Variants in MYO16 observed in about 807,000 individuals in gnomAD.
MYO16 encodes myosin XVI, also known as unconventional myosin-XVI.
A neutral mutation model predicts 205.3 loss-of-function variants in MYO16; 94 were observed. The observed-to-expected ratio is 0.46, with a 90% CI of 0.39 to 0.54. The LOEUF (loss-of-function observed/expected upper bound fraction) is 0.54. MYO16 is among the 20% of genes least tolerant of loss of function. The pLI is 0.00. For missense variants in MYO16, 2,315 were observed against 2,387.5 expected (o/e 0.97, Z 0.63); for synonymous variants, 988 against 954.0 (o/e 1.04, Z -0.66).
intron 16 of MYO16, among the ~76,000 whole-genome samples, chr13:108,927,447 T>C (rs149435597): frequency 2.2e-4 from 33 of 152,192 alleles, no homozygotes; most frequent in African/African-American, 7.9e-4. Context: ...CATCCTTGAT[T>C]CTCACATGCC....
intron 2 of MYO16, among the ~76,000 whole-genome samples, chr13:108,690,929 T>A (rs1174960339): frequency 6.6e-6 from 1 of 152,216 alleles, no homozygotes; most frequent in Non-Finnish European, 1.5e-5. Context: ...CTCAGATTGC[T>A]AAGGATCATA....
chr13:108,887,576 T>A (rs1879963027), intron 13 of MYO16, among the ~76,000 whole-genome samples: 1 of 152,136 alleles, frequency 6.6e-6, no homozygotes, highest in Non-Finnish European at 1.5e-5. Flanking sequence ...TTTTTAAAAA[T>A]TGGGTGAGTT....
the MYO16 span, among the ~76,000 whole-genome samples, chr13:108,528,762 CT>C: frequency 6.9e-6 from 1 of 144,026 alleles, no homozygotes. Flanking sequence ...TTTGCCTCCC[CT>C]CTCCCCTCCT....
At chr13:108,679,654 A>G (rs1882374780) in intron 2 of MYO16, among the ~76,000 whole-genome samples, 1 of 151,434 alleles carries the variant, frequency 6.6e-6, no homozygotes, top group Non-Finnish European at 1.5e-5. Context: ...GTCCTCCCTT[A>G]GATCCATTCT....
chr13:108,820,577 C>T (rs576304728), intron 8 of MYO16, among the ~76,000 whole-genome samples, 165 bp downstream of exon 8: 12 of 152,156 alleles, frequency 7.9e-5, no homozygotes, highest in South Asian at 6.2e-4. Flanking sequence ...CGCCTATGTA[C>T]GATGATATAG....
chr13:109,088,298 G>A (rs1027115058), intron 27 of MYO16, among the ~76,000 whole-genome samples: 1 of 152,192 alleles, frequency 6.6e-6, no homozygotes, highest in African/African-American at 2.4e-5. Context: ...GTGTGGGAAA[G>A]GCTGCTCAGG....
At chr13:108,846,477 T>C (rs1202458382) in intron 10 of MYO16, among the ~76,000 whole-genome samples, 1 of 149,632 alleles carries the variant, frequency 6.7e-6, no homozygotes, top group Non-Finnish European at 1.5e-5. Context: ...TATATATACA[T>C]ACATATATAT....
the MYO16 span, among the ~76,000 whole-genome samples, chr13:108,582,738 G>A: frequency 2.0e-5 from 3 of 152,224 alleles, no homozygotes; most frequent in East Asian, 1.9e-4. Flanking sequence ...GTGGGGTTTA[G>A]GATGAAGATG....
At chr13:108,985,989 A>G (rs113526203) in intron 20 of MYO16, among the ~76,000 whole-genome samples, 2,146 of 152,248 alleles carry the variant, frequency 0.014, 63 homozygotes, top group African/African-American at 0.049. Flanking sequence ...CCACATGGCT[A>G]GGGAGGCCTC....
At chr13:108,701,925 T>C (rs1290948825) in intron 2 of MYO16, among the ~76,000 whole-genome samples, 2 of 151,992 alleles carry the variant, frequency 1.3e-5, no homozygotes, top group Admixed American at 6.6e-5. Flanking sequence ...AAATTAAATA[T>C]ACATTAGCAG....
the MYO16 span, among the ~76,000 whole-genome samples, chr13:108,507,666 T>G: frequency 6.6e-6 from 1 of 152,298 alleles, no homozygotes; most frequent in Admixed American, 6.5e-5. Flanking sequence ...CATCCTCAGA[T>G]TAGAGAAGTT....
intron 27 of MYO16, among the ~76,000 whole-genome samples, chr13:109,058,471 GT>G (rs545329742): frequency 1.2e-4 from 18 of 152,218 alleles, no homozygotes; most frequent in Admixed American, 7.2e-4. Flanking sequence ...ATCACATAAA[GT>G]TTTTGGTTTC....
intron 9 of MYO16, among the ~76,000 whole-genome samples, chr13:108,832,887 A>G (rs1876703719): frequency 1.3e-5 from 2 of 152,174 alleles, no homozygotes; most frequent in Non-Finnish European, 2.9e-5. Flanking sequence ...TTTACAAAAT[A>G]TTGATAAACC....
chr13:108,607,743 C>T (rs775704513), intron 1 of MYO16, among the ~76,000 whole-genome samples: 2 of 152,288 alleles, frequency 1.3e-5, no homozygotes, highest in East Asian at 3.9e-4. Flanking sequence ...CCCGACACCT[C>T]CACTGCCTCT....
intron 34 of MYO16, among the ~76,000 whole-genome samples, chr13:109,183,224 G>C (rs367872709): frequency 3.9e-5 from 6 of 152,084 alleles, no homozygotes; most frequent in Non-Finnish European, 7.4e-5. Flanking sequence ...AAGCGGCGGT[G>C]GGGGGGAATG....
intron 4 of MYO16, among the ~76,000 whole-genome samples, chr13:108,731,443 T>C (rs71435290): frequency 0.039 from 5,932 of 152,150 alleles, 172 homozygotes; most frequent in Non-Finnish European, 0.059. Context: ...TTACCTCACG[T>C]GTTCTACACT....
intron 34 of MYO16, among the ~76,000 whole-genome samples, chr13:109,183,539 T>A (rs1879548186): frequency 1.3e-5 from 2 of 152,254 alleles, no homozygotes; most frequent in South Asian, 4.1e-4. Flanking sequence ...AAGCATAGGC[T>A]ATCTCTATTT....
intron 16 of MYO16, 30 bp from the exon 17 acceptor site, chr13:108,957,658 G>A (rs369983956): frequency 2.7e-5 from 41 of 1,494,062 alleles, no homozygotes; most frequent in Middle Eastern, 1.7e-4. Context: ...GAAGCCAGGC[G>A]ATAACGTTAC....
At chr13:109,200,683 C>CTT (rs529830670) in intron 34 of MYO16, among the ~76,000 whole-genome samples, 25 of 134,768 alleles carry the variant, frequency 1.9e-4, no homozygotes, top group Non-Finnish European at 1.9e-4. Context: ...GGATCTGGGA[C>CTT]TTTTTTTTTT....
Sources: gnomAD v4.1 joint callset for allele counts (sites outside exome capture counted in the v4.1 genomes callset) on GRCh38, gnomAD v4.1.1 for gene constraint, MANE v1.5 for transcripts, NCBI Gene and HGNC (gene_info 2026-07-23, HGNC 2026-07-21) for gene names.